ARAP2: variants seen among roughly 807,000 people sequenced by gnomAD.
The protein encoded by ARAP2 is arf-GAP with Rho-GAP domain, ANK repeat and PH domain-containing protein 2.
A neutral mutation model predicts 194.5 loss-of-function variants in ARAP2; 148 were observed. That is an observed-to-expected ratio of 0.76 (90% CI 0.67 to 0.87). The LOEUF is 0.87. Among genes scored for constraint, ARAP2 ranks in the 40% least tolerant of loss-of-function variants. The pLI, the probability that ARAP2 is intolerant of heterozygous loss-of-function variation, is 0.00. For synonymous variants in ARAP2, 695 were observed against 683.5 expected (o/e 1.02, Z -0.26); for missense variants, 2,128 against 1,989.7 (o/e 1.07, Z -1.32).
intron 5 of ARAP2, among the ~76,000 whole-genome samples, chr4:36,029,681 CTGTTT>C (rs1343697932): frequency 1.2e-4 from 18 of 151,828 alleles, no homozygotes; most frequent in African/African-American, 3.4e-4. Context: ...TGCATGTGTT[CTGTTT>C]TATTTTCTTC....
intron 11 of ARAP2, among the ~76,000 whole-genome samples, chr4:36,163,252 AT>A (rs1734500818): frequency 6.6e-6 from 1 of 152,170 alleles, no homozygotes; most frequent in Admixed American, 6.5e-5. Flanking sequence ...GGGAAAAAAA[AT>A]ACTGGAAAAA....
At chr4:36,206,419 C>T (rs1163581051) in intron 6 of ARAP2, among the ~76,000 whole-genome samples, 3 of 152,208 alleles carry the variant, frequency 2.0e-5, no homozygotes, top group African/African-American at 7.2e-5. Flanking sequence ...TAAAATAACT[C>T]CAACCTCCAC....
chr4:36,151,387 T>C (rs995907857), intron 15 of ARAP2, among the ~76,000 whole-genome samples: 10 of 152,138 alleles, frequency 6.6e-5, no homozygotes, highest in Non-Finnish European at 1.3e-4. Context: ...AAACGTAGCA[T>C]GAAAAGTGAG....
intron 24 of ARAP2, among the ~76,000 whole-genome samples, chr4:36,118,825 T>C (rs1380734012): frequency 6.6e-6 from 1 of 151,488 alleles, no homozygotes; most frequent in East Asian, 1.9e-4. Context: ...AATATCATAG[T>C]ATTAGTACTG....
chr4:36,099,868 G>A (rs748671030), intron 27 of ARAP2, among the ~76,000 whole-genome samples: 39 of 152,074 alleles, frequency 2.6e-4, no homozygotes, highest in Non-Finnish European at 7.4e-5. Context: ...CAAGAAGAAT[G>A]TAAGTCCTTG....
chr4:36,075,488 G>A (rs959969206), intron 31 of ARAP2, among the ~76,000 whole-genome samples: 3 of 151,952 alleles, frequency 2.0e-5, no homozygotes, highest in Admixed American at 6.6e-5. Flanking sequence ...CTCCATTTCT[G>A]CCTTCCATTT....
chr4:36,197,274 G>A (rs554603101), intron 6 of ARAP2, among the ~76,000 whole-genome samples: 4 of 151,988 alleles, frequency 2.6e-5, no homozygotes, highest in African/African-American at 7.3e-5. Flanking sequence ...TTTCTGTTTC[G>A]TTCATCAATA....
intron 5 of ARAP2, among the ~76,000 whole-genome samples, chr4:36,036,064 C>T (rs1459889755): frequency 1.3e-5 from 2 of 151,962 alleles, no homozygotes; most frequent in Non-Finnish European, 1.5e-5. Flanking sequence ...TCTTGCAAAG[C>T]AAGTCCATTT....
At chr4:36,005,417 A>C (rs1323566962) in intron 10 of ARAP2, 1 of 152,166 alleles carries the variant, frequency 6.6e-6, no homozygotes, top group Non-Finnish European at 1.5e-5. Flanking sequence ...GTACTTTATA[A>C]AATTATGAAG....
chr4:36,203,275 C>A (rs551895743), intron 6 of ARAP2, among the ~76,000 whole-genome samples: 3 of 152,060 alleles, frequency 2.0e-5, no homozygotes, highest in African/African-American at 7.2e-5. Flanking sequence ...TCCACTTTCC[C>A]ACATGAGCCA....
intron 1 of ARAP2, among the ~76,000 whole-genome samples, chr4:36,236,368 A>G (rs751794666): frequency 4.6e-5 from 7 of 152,162 alleles, no homozygotes; most frequent in Non-Finnish European, 1.0e-4. Context: ...TCATTAAACC[A>G]TGATGTCATT....
chr4:36,162,531 G>A (rs1734331337), intron 11 of ARAP2, among the ~76,000 whole-genome samples: 2 of 150,648 alleles, frequency 1.3e-5, no homozygotes, highest in Admixed American at 6.6e-5. Flanking sequence ...CACTATCCTT[G>A]ATCTTAAGGG....
chr4:36,061,226 TTTTAG>T (rs1445340682), downstream of ARAP2, among the ~76,000 whole-genome samples: 1 of 152,202 alleles, frequency 6.6e-6, no homozygotes, highest in Non-Finnish European at 1.5e-5. Flanking sequence ...AGTTATACTC[TTTTAG>T]TTATTTTAAA....
At chr4:36,124,719 T>C (rs1313976344) in intron 22 of ARAP2, 143 bp downstream of exon 22, 1 of 502,088 alleles carries the variant, frequency 2.0e-6, no homozygotes, top group Non-Finnish European at 3.6e-6. Flanking sequence ...CAGTGCTATT[T>C]ATCTGTAAAT....
intron 16 of ARAP2, 68 bp downstream of exon 16, chr4:36,150,832 A>C (rs927308000): frequency 6.0e-6 from 9 of 1,503,576 alleles, no homozygotes; most frequent in Non-Finnish European, 7.2e-6. Flanking sequence ...TGATAACAAA[A>C]CTCTCATTAC....
intron 27 of ARAP2, among the ~76,000 whole-genome samples, chr4:36,093,691 T>C (rs1425183144): frequency 3.9e-5 from 6 of 152,126 alleles, no homozygotes; most frequent in Admixed American, 3.9e-4. Flanking sequence ...TGTGTAACGC[T>C]GAGGTTTGGG....
At chr4:36,224,101 A>G (rs1041001238) in intron 2 of ARAP2, among the ~76,000 whole-genome samples, 4 of 151,916 alleles carry the variant, frequency 2.6e-5, no homozygotes, top group African/African-American at 9.7e-5. Context: ...GCAGTGGCAT[A>G]AAGGTTAATG....
At chr4:36,031,423 C>A (rs769908728) in intron 5 of ARAP2, among the ~76,000 whole-genome samples, 28 of 152,136 alleles carry the variant, frequency 1.8e-4, no homozygotes, top group Non-Finnish European at 2.5e-4. Context: ...TCCTCTTTTA[C>A]TGAACTGGGA....
chr4:36,144,601 A>G (rs1013254058), intron 19 of ARAP2, among the ~76,000 whole-genome samples: 2 of 152,056 alleles, frequency 1.3e-5, no homozygotes, highest in Admixed American at 6.6e-5. Flanking sequence ...TAAATATCTA[A>G]TCAGCAATAT....
Sources: gnomAD v4.1 joint callset for allele counts (sites outside exome capture counted in the v4.1 genomes callset) on GRCh38, gnomAD v4.1.1 for gene constraint, MANE v1.5 for transcripts, NCBI Gene and HGNC (gene_info 2026-07-23, HGNC 2026-07-21) for gene names.